TBC1D19: variants seen among roughly 807,000 people sequenced by gnomAD.
The protein encoded by TBC1D19 is TBC1 domain family member 19, also known as TBC1 domain family, member 19.
Under a neutral mutation model 89.0 loss-of-function variants are expected in TBC1D19, and 60 were observed. The ratio of observed to expected loss-of-function variants is 0.67; its 90% CI spans 0.55 to 0.84. TBC1D19 has a LOEUF of 0.84. Among genes scored for constraint, TBC1D19 ranks in the 40% least tolerant of loss-of-function variants. TBC1D19 has a pLI of 0.00. For missense variants in TBC1D19, 500 were observed against 610.8 expected (o/e 0.82, Z 1.91); for synonymous variants, 189 against 199.7 (o/e 0.95, Z 0.45).
chr4:26,786,345 G>A, the TBC1D19 span, among the ~76,000 whole-genome samples: 5 of 152,154 alleles, frequency 3.3e-5, no homozygotes, highest in Non-Finnish European at 1.5e-5. Context: ...AGTTAAAGAA[G>A]TAGTACCAGC....
At chr4:26,612,005 C>G (rs1368608450) in intron 1 of TBC1D19, among the ~76,000 whole-genome samples, 1 of 152,024 alleles carries the variant, frequency 6.6e-6, no homozygotes, top group Non-Finnish European at 1.5e-5. Context: ...GTTGGCTCAT[C>G]ATGTGTTCAA....
chr4:26,639,582 A>G (rs1400582834), intron 6 of TBC1D19, among the ~76,000 whole-genome samples: 2 of 152,194 alleles, frequency 1.3e-5, no homozygotes, highest in Non-Finnish European at 2.9e-5. Context: ...AATCTAGTCA[A>G]TTTTGTAAAT....
At chr4:26,823,915 C>T in the TBC1D19 span, among the ~76,000 whole-genome samples, 1 of 152,190 alleles carries the variant, frequency 6.6e-6, no homozygotes, top group Non-Finnish European at 1.5e-5. Flanking sequence ...ATACAGAACC[C>T]CACTGACTCT....
intron 1 of TBC1D19, among the ~76,000 whole-genome samples, chr4:26,591,660 C>A (rs889212056): frequency 6.6e-6 from 1 of 152,294 alleles, no homozygotes; most frequent in Admixed American, 6.5e-5. Context: ...GGGGATATCA[C>A]CACTGATCCC....
At chr4:26,800,050 C>CA in the TBC1D19 span, among the ~76,000 whole-genome samples, 1 of 151,962 alleles carries the variant, frequency 6.6e-6, no homozygotes, top group Non-Finnish European at 1.5e-5. Flanking sequence ...TACATGTGCA[C>CA]AATGTGCAGG....
the TBC1D19 span, among the ~76,000 whole-genome samples, chr4:26,773,682 T>C: frequency 1.3e-5 from 2 of 152,224 alleles, no homozygotes; most frequent in African/African-American, 4.8e-5. Context: ...TTTCTGCATA[T>C]GGCTAGCCAG....
the TBC1D19 span, among the ~76,000 whole-genome samples, chr4:26,761,771 G>C: frequency 6.6e-6 from 1 of 152,054 alleles, no homozygotes; most frequent in Non-Finnish European, 1.5e-5. Flanking sequence ...CTTATTTCTT[G>C]AATAAGTTTA....
intron 1 of TBC1D19, among the ~76,000 whole-genome samples, chr4:26,599,666 C>G (rs1404077438): frequency 6.6e-6 from 1 of 152,096 alleles, no homozygotes; most frequent in African/African-American, 2.4e-5. Context: ...AATTTGCTGG[C>G]CAAGTGCAGT....
intron 1 of TBC1D19, among the ~76,000 whole-genome samples, chr4:26,578,175 C>T (rs368011273): frequency 4.6e-5 from 7 of 152,288 alleles, no homozygotes; most frequent in East Asian, 3.9e-4. Context: ...TTCTTGTGCA[C>T]GGCATCTTAC....
chr4:26,734,421 T>G (rs1717843026), intron 15 of TBC1D19, among the ~76,000 whole-genome samples: 1 of 152,192 alleles, frequency 6.6e-6, no homozygotes, highest in African/African-American at 2.4e-5. Context: ...TTTAGTAGTG[T>G]TAGCTATATG....
At chr4:26,683,890 G>A in intron 12 of TBC1D19, 141 bp downstream of exon 12, 1 of 631,306 alleles carries the variant, frequency 1.6e-6, no homozygotes, top group Non-Finnish European at 2.4e-6. Flanking sequence ...TACATATAAA[G>A]TTAAAGTTGG....
chr4:26,700,858 T>G (rs945870989), intron 13 of TBC1D19, among the ~76,000 whole-genome samples: 10 of 152,288 alleles, frequency 6.6e-5, no homozygotes, highest in African/African-American at 2.4e-4. Flanking sequence ...CACCCCTGCT[T>G]TTAATCCATG....
chr4:26,728,096 C>T (rs1717422510), intron 15 of TBC1D19, among the ~76,000 whole-genome samples: 1 of 152,118 alleles, frequency 6.6e-6, no homozygotes, highest in Admixed American at 6.5e-5. Context: ...ATTAAAAGTG[C>T]CTTGTCCTGA....
At chr4:26,614,357 T>G in intron 2 of TBC1D19, 51 bp from the exon 3 acceptor site, 1 of 1,277,588 alleles carries the variant, frequency 7.8e-7, no homozygotes, top group Non-Finnish European at 1.1e-6. Context: ...TAATGTATGT[T>G]TACTTAAAAA....
At chr4:26,580,887 C>A (rs1024005480), upstream of TBC1D19, among the ~76,000 whole-genome samples, 2 of 152,158 alleles carry the variant, frequency 1.3e-5, no homozygotes, top group Non-Finnish European at 2.9e-5. Context: ...TTTTCAAATG[C>A]ATCCTCTGCC....
the TBC1D19 span, among the ~76,000 whole-genome samples, chr4:26,804,363 CT>C: frequency 1.3e-5 from 2 of 152,206 alleles, no homozygotes; most frequent in Non-Finnish European, 2.9e-5. Context: ...CCAGGTTGGT[CT>C]TGAACTGCTG....
At chr4:26,753,324 C>A (rs1719080098) in intron 19 of TBC1D19, among the ~76,000 whole-genome samples, 1 of 152,086 alleles carries the variant, frequency 6.6e-6, no homozygotes, top group Non-Finnish European at 1.5e-5. Context: ...CCAAAATAAA[C>A]CTTAATCAGT....
intron 1 of TBC1D19, among the ~76,000 whole-genome samples, chr4:26,611,836 T>G (rs932708898): frequency 1.3e-5 from 2 of 152,038 alleles, no homozygotes; most frequent in Admixed American, 1.3e-4. Context: ...TCATTCTTCT[T>G]TTTTATTACT....
the TBC1D19 span, among the ~76,000 whole-genome samples, chr4:26,826,572 A>G: frequency 6.6e-6 from 1 of 152,164 alleles, no homozygotes; most frequent in Non-Finnish European, 1.5e-5. Context: ...TCTCCAATAT[A>G]CCTTTCAAAA....
Sources: allele counts gnomAD v4.1 joint callset (sites outside exome capture counted in the v4.1 genomes callset), GRCh38; gene constraint gnomAD v4.1.1; transcripts MANE v1.5; gene names NCBI Gene and HGNC (gene_info 2026-07-23, HGNC 2026-07-21).